The following AKAP12 variants were observed in gnomAD, a reference collection of about 807,000 sequenced individuals.
The protein encoded by AKAP12 is A-kinase anchoring protein 12, also known as A-kinase anchor protein 12.
AKAP12 carries 32 observed loss-of-function variants against 79.9 expected under a neutral mutation model. The ratio of observed to expected loss-of-function variants is 0.40; its 90% CI spans 0.30 to 0.54. The LOEUF is 0.54. Among genes scored for constraint, AKAP12 ranks in the 20% least tolerant of loss-of-function variants. The pLI is 0.48. For synonymous variants in AKAP12, 808 were observed against 857.0 expected (o/e 0.94, Z 1.00); for missense variants, 2,074 against 2,177.0 (o/e 0.95, Z 0.94).
intron 3 of AKAP12, among the ~76,000 whole-genome samples, chr6:151,337,515 A>AG: frequency 1.4e-5 from 2 of 141,930 alleles, no homozygotes; most frequent in African/African-American, 5.4e-5. Context: ...CCGTCTCGAA[A>AG]AAAAAAAAAA....
At chr6:151,333,458 A>G (rs994003159) in intron 3 of AKAP12, among the ~76,000 whole-genome samples, 6 of 152,190 alleles carry the variant, frequency 3.9e-5, no homozygotes, top group Admixed American at 1.3e-4. Flanking sequence ...GCATGTAAAA[A>G]TACTTTCTCA....
chr6:151,351,184 G>C lies in AKAP12; in HGVS notation c.2793G>C (p.Leu931=), dbSNP rs1778275047. 5 of 1,614,096 alleles carry C rather than the reference G, an allele frequency of 3.1e-6. No individual in the cohort carries two copies. The highest frequency in any genetic ancestry group is 4.2e-6 in the Non-Finnish European group (5 of 1,180,058). Residue 931 remains leucine (L), a synonymous_variant, in exon 4 of 5, where the codon CTG becomes CTC. Transcript: ENST00000402676. The surrounding 1 kb of genome is among the most constrained non-coding windows in gnomAD (Gnocchi z 4.4). ...PLEQVEAEAA[L]LTEEVLEREV... is the part of the protein sequence containing the mutation. ...AACAAGTAGAAGCTGAAGCCGCACT[G>C]TTAACTGAGGAGGTATTGGAAAGAG...
In AKAP12 at chr6:151,348,853, CA is replaced by C; in HGVS notation, c.464del (p.Asn155IlefsTer2). ...IIEQIPSSES[N>X]LEELTQPTES... ...TCGAACAGATTCCTTCTTCAGAAAG[CA>C]ATTTAGAAGAGCTAACACAACCCAC... On this transcript the variant is annotated frameshift_variant, in exon 4 of 5. Coordinates refer to ENST00000402676, the MANE Select transcript of AKAP12 (RefSeq NM_005100.4). LOFTEE classifies it high-confidence loss of function. The C allele has an allele frequency of 2.5e-6, 4 of 1,614,084 alleles. No individual in the cohort carries two copies. Among genetic ancestry groups the C allele is most frequent in the Non-Finnish European group, 3.4e-6 (4 of 1,180,008 alleles).
At chr6:151,324,425 C>T (rs1777473308) in intron 3 of AKAP12, 2 of 985,266 alleles carry the variant, frequency 2.0e-6, no homozygotes, top group Middle Eastern at 5.2e-4. Flanking sequence ...CCCCCTGGTG[C>T]CCAAAAAGTG....
chr6:151,252,260 G>A (rs1197486999), intron 2 of AKAP12, among the ~76,000 whole-genome samples: 3 of 151,116 alleles, frequency 2.0e-5, no homozygotes, highest in Non-Finnish European at 2.9e-5. Flanking sequence ...GTGCAGCAGC[G>A]CGATCTCAGC....
chr6:151,246,728 AATTTTC>A (rs967330404), intron 2 of AKAP12, among the ~76,000 whole-genome samples: 1 of 152,118 alleles, frequency 6.6e-6, no homozygotes, highest in Admixed American at 6.6e-5. Context: ...ACTGTTAATT[AATTTTC>A]ATTTTCATTT....
chr6:151,336,324 G>T (rs1162946369), intron 3 of AKAP12, among the ~76,000 whole-genome samples: 1 of 152,140 alleles, frequency 6.6e-6, no homozygotes, highest in East Asian at 1.9e-4. Flanking sequence ...TCTGTTTTTT[G>T]TTCCTTGAGA....
chr6:151,276,722 ATTAT>A (rs1387080120), intron 2 of AKAP12, among the ~76,000 whole-genome samples: 1 of 152,172 alleles, frequency 6.6e-6, no homozygotes, highest in Non-Finnish European at 1.5e-5. Context: ...TTATGTATTT[ATTAT>A]TTATTTATTT....
intron 2 of AKAP12, among the ~76,000 whole-genome samples, chr6:151,248,952 A>C (rs1269273969): frequency 6.6e-6 from 1 of 151,678 alleles, no homozygotes; most frequent in Non-Finnish European, 1.5e-5. Flanking sequence ...GCATCATTGC[A>C]CTCCAGCCTG....
chr6:151,297,749 A>G (rs1270719819), intron 2 of AKAP12, among the ~76,000 whole-genome samples: 1 of 151,992 alleles, frequency 6.6e-6, no homozygotes, highest in Non-Finnish European at 1.5e-5. Flanking sequence ...GCTGTTTCTA[A>G]TTTTGTTGGA....
At chr6:151,343,835 G>C in intron 3 of AKAP12, 1 of 378,782 alleles carries the variant, frequency 2.6e-6, no homozygotes, top group Non-Finnish European at 5.0e-6. Flanking sequence ...ACTTAAGGAA[G>C]CCTTTGGATT....
intron 3 of AKAP12, chr6:151,341,634 C>T: frequency 1.9e-6 from 2 of 1,037,552 alleles, no homozygotes; most frequent in Non-Finnish European, 2.4e-6. Flanking sequence ...GGCTGTTGGG[C>T]TGCCCCTGCC....
chr6:151,331,323 G>A (rs1777659314), intron 3 of AKAP12, among the ~76,000 whole-genome samples: 1 of 151,976 alleles, frequency 6.6e-6, no homozygotes, highest in African/African-American at 2.4e-5. Flanking sequence ...TATTGAATAA[G>A]TGTTATAATT....
chr6:151,261,545 A>T (rs1193126279), intron 2 of AKAP12, among the ~76,000 whole-genome samples: 4 of 151,308 alleles, frequency 2.6e-5, no homozygotes, highest in African/African-American at 7.3e-5. Flanking sequence ...TCTTTAAAAT[A>T]CAAAAATTAG....
At chr6:151,319,439 GTCTGTCTATCTA>G (rs1039627568) in intron 3 of AKAP12, among the ~76,000 whole-genome samples, 1 of 112,084 alleles carries the variant, frequency 8.9e-6, no homozygotes, top group African/African-American at 3.4e-5. Context: ...AAAGACAGGT[GTCTGTCTATCTA>G]TCTATCTATC....
rs911098693 is a variant in AKAP12, at chr6:151,285,450, C to T, written c.163-20297C>T. Among the ~76,000 whole-genome samples, 12 of 147,432 alleles carry T rather than the reference C, an allele frequency of 8.1e-5. 1 individual carries two copies. Among genetic ancestry groups the T allele is most frequent in the African/African-American group, 3.0e-4 (12 of 39,658 alleles). On this transcript the variant is annotated intron_variant, in intron 2 of 4. Coordinates refer to ENST00000402676, the MANE Select transcript of AKAP12 (RefSeq NM_005100.4). ...TTTCAATCTACTGATTACCAAAGAGCTTATAATTCTTAATGGAGAGTTTGT... is the reference window on the plus strand; with the variant it reads ...TTTCAATCTACTGATTACCAAAGAGTTTATAATTCTTAATGGAGAGTTTGT...
chr6:151,242,460 C>A (rs557848492), intron 2 of AKAP12, among the ~76,000 whole-genome samples: 5 of 152,242 alleles, frequency 3.3e-5, no homozygotes, highest in African/African-American at 9.6e-5. Context: ...TATCATTGAA[C>A]TTGTTGGCAT....
rs551109118 is a variant in AKAP12 at position 151,298,544 on chromosome 6, A to C, written c.163-7203A>C. ...CGAGGTGGCTCACACCTGTAATCCCAACACTTTGGGAAGCCAATGCGGGTG... is the reference window on the plus strand; with the variant it reads ...CGAGGTGGCTCACACCTGTAATCCCCACACTTTGGGAAGCCAATGCGGGTG... On this transcript the variant is annotated intron_variant, in intron 2 of 4. Transcript: ENST00000402676. Among the ~76,000 whole-genome samples, 6 of 152,214 alleles carry C rather than the reference A, an allele frequency of 3.9e-5. No homozygotes were observed. The South Asian group carries it at 1.0e-3, about 26-fold the overall frequency.
intron 2 of AKAP12, among the ~76,000 whole-genome samples, chr6:151,302,751 G>C (rs1776889039): frequency 6.6e-6 from 1 of 152,148 alleles, no homozygotes; most frequent in South Asian, 2.1e-4. Context: ...TCATGAAACT[G>C]TGTATGTCAA....
Sources: allele counts gnomAD v4.1 joint callset (sites outside exome capture counted in the v4.1 genomes callset), GRCh38; gene constraint gnomAD v4.1.1; non-coding constraint Gnocchi (gnomAD v3.1); transcripts MANE v1.5; gene names NCBI Gene and HGNC (gene_info 2026-07-23, HGNC 2026-07-21).